The following VPS50 variants were observed in gnomAD, a reference collection of about 807,000 sequenced individuals.
The protein encoded by VPS50 is VPS50 subunit of EARP/GARPII complex.
VPS50 carries 70 observed loss-of-function variants against 139.7 expected under a neutral mutation model. The observed-to-expected ratio is 0.50, with a 90% CI of 0.41 to 0.61. VPS50 has a LOEUF of 0.61. Ranked by LOEUF, VPS50 falls within the 20% of genes least tolerant of loss-of-function variation. The pLI is 0.00. For missense variants in VPS50, 921 were observed against 1,133.7 expected (o/e 0.81, Z 2.69); for synonymous variants, 365 against 376.7 (o/e 0.97, Z 0.36).
At chr7:93,271,115 T>C in intron 9 of VPS50, 105 bp from the exon 10 acceptor site, 2 of 1,462,926 alleles carry the variant, frequency 1.4e-6, no homozygotes, top group Non-Finnish European at 1.8e-6. Context: ...CGATCTATAC[T>C]CTTAATCTTT....
rs991378664 is a variant in VPS50, at chr7:93,235,777, C to G, written c.33+3277C>G. Among the ~76,000 whole-genome samples, 4 of 152,178 alleles carry G rather than the reference C, an allele frequency of 2.6e-5. No homozygotes were observed. In the South Asian group the frequency reaches 8.3e-4, roughly 32 times the overall value. On this transcript the variant is annotated intron_variant, in intron 1 of 27. Coordinates refer to ENST00000305866, the MANE Select transcript of VPS50 (RefSeq NM_017667.4). ...ATTTGAAAGCCTCTTAAATATTCAA[C>G]TGGAGAGATACAGCAGGCAGTTGGC...
At chr7:93,261,025 G>C (rs574733221) in intron 9 of VPS50, among the ~76,000 whole-genome samples, 1 of 152,138 alleles carries the variant, frequency 6.6e-6, no homozygotes, top group Non-Finnish European at 1.5e-5. Flanking sequence ...GTGATTAACT[G>C]TCATTAGTAG....
In VPS50 at chr7:93,239,934, G is replaced by A. The variant is rs772036069; in HGVS notation, c.102G>A (p.Lys34=). The change falls in exon 2 of 28, where the codon AAG becomes AAA. Residue 34 remains lysine (K), a splice_region_variant and synonymous_variant. Transcript: ENST00000305866. The part of the protein sequence containing the change: ...GAIESLRVPG[K]EEFRELREQP... ...TAGAGAGTCTCCGGGTCCCTGGAAA[G>A]GTATTGAGCTACACGTGTGAGCGTG... is the stretch of plus-strand genomic sequence containing the variant. 1 of 1,582,300 alleles carries A rather than the reference G, an allele frequency of 6.3e-7. No individual in the cohort carries two copies. Among genetic ancestry groups the A allele is most frequent in the Non-Finnish European group, 8.7e-7 (1 of 1,151,796 alleles).
At chr7:93,328,160 A>G (rs1482766587) in intron 21 of VPS50, among the ~76,000 whole-genome samples, 1 of 152,134 alleles carries the variant, frequency 6.6e-6, no homozygotes, top group Non-Finnish European at 1.5e-5. Flanking sequence ...GTATTGCTTT[A>G]TCTTGCCTTG....
At chr7:93,282,986 T>C (rs1408416995) in intron 12 of VPS50, among the ~76,000 whole-genome samples, 1 of 152,204 alleles carries the variant, frequency 6.6e-6, no homozygotes, top group African/African-American at 2.4e-5. Context: ...AAATTAAAAC[T>C]TAATGACCAA....
At chr7:93,256,132 G>A (rs571892258) in intron 4 of VPS50, among the ~76,000 whole-genome samples, 4 of 152,146 alleles carry the variant, frequency 2.6e-5, no homozygotes, top group African/African-American at 7.2e-5. Flanking sequence ...AGATATTGTC[G>A]CCATAAATTC....
chr7:93,237,127 T>G (rs895230233), intron 1 of VPS50, among the ~76,000 whole-genome samples: 38 of 151,436 alleles, frequency 2.5e-4, no homozygotes, highest in African/African-American at 9.0e-4. Flanking sequence ...ATTTTTTTTT[T>G]TTGTATTTTT....
intron 26 of VPS50, among the ~76,000 whole-genome samples, chr7:93,355,151 A>G (rs1053120782): frequency 5.3e-5 from 8 of 151,924 alleles, no homozygotes; most frequent in Non-Finnish European, 1.0e-4. Context: ...GTCATTTTAA[A>G]TAAAATAAGC....
rs1336362971 is a variant in VPS50, at chr7:93,327,011, C to T, written c.1977+3279C>T. Among the ~76,000 whole-genome samples, 287 of 152,180 alleles carry T rather than the reference C, an allele frequency of 1.9e-3. 6 individuals carry two copies. Among genetic ancestry groups the T allele is most frequent in the Non-Finnish European group, 1.9e-4 (13 of 67,986 alleles). On this transcript the variant is annotated intron_variant, in intron 21 of 27. Coordinates refer to ENST00000305866, the MANE Select transcript of VPS50 (RefSeq NM_017667.4). The stretch of plus-strand genomic sequence containing the variant: ...CTATAAAGTATGTATTAATTCATCA[C>T]CCTGAATTTGGAAACTCACTAAATA...
intron 26 of VPS50, 27 bp from the exon 27 acceptor site, chr7:93,355,864 A>T (rs751148265): frequency 1.0e-5 from 14 of 1,379,120 alleles, no homozygotes; most frequent in Non-Finnish European, 1.3e-5. Context: ...CCTATAATGT[A>T]TTTTTTTTTA....
At chr7:93,307,216 A>G (rs1485187066) in intron 18 of VPS50, among the ~76,000 whole-genome samples, 1 of 151,890 alleles carries the variant, frequency 6.6e-6, no homozygotes, top group Admixed American at 6.6e-5. Context: ...TCAGCCCATC[A>G]GTACATAATC....
chr7:93,254,058 A>C, intron 4 of VPS50, 127 bp downstream of exon 4: 1 of 497,260 alleles, frequency 2.0e-6, no homozygotes, highest in Non-Finnish European at 3.6e-6. Context: ...GTTATTTAAC[A>C]TGACTGATTC....
At chr7:93,283,506 G>A (rs565924453) in intron 12 of VPS50, among the ~76,000 whole-genome samples, 9 of 152,244 alleles carry the variant, frequency 5.9e-5, no homozygotes, top group African/African-American at 2.2e-4. Flanking sequence ...AAAGTGCTGG[G>A]ATTATAGGTG....
intron 4 of VPS50, among the ~76,000 whole-genome samples, chr7:93,255,756 A>G (rs996771088): frequency 2.6e-5 from 4 of 152,220 alleles, no homozygotes; most frequent in Admixed American, 2.6e-4. Context: ...GGATTAATGC[A>G]GTAGTGTAGT....
rs550098108 is a variant in VPS50 at position 93,325,090 on chromosome 7, A to G, written c.1977+1358A>G. 4.6e-5 allele frequency among the ~76,000 whole-genome samples: 7 copies of G among 152,298 alleles called. No individual in the cohort carries two copies. In the East Asian group the frequency reaches 1.4e-3, roughly 29 times the overall value. On this transcript the variant is annotated intron_variant, in intron 21 of 27. Transcript: ENST00000305866. Reference sequence around the variant, plus strand: ...CCAAAACAGCATGGTACTGGTACCAAAACAGAGATATAGATCAATGGAACA... The same window carrying G: ...CCAAAACAGCATGGTACTGGTACCAGAACAGAGATATAGATCAATGGAACA...
At chr7:93,305,169 A>G (rs1289477225) in intron 17 of VPS50, among the ~76,000 whole-genome samples, 1 of 151,870 alleles carries the variant, frequency 6.6e-6, no homozygotes, top group Non-Finnish European at 1.5e-5. Flanking sequence ...TAGCTGTGTG[A>G]TGTTGAACTT....
At chr7:93,270,158 GA>G (rs1407835064) in intron 9 of VPS50, among the ~76,000 whole-genome samples, 1 of 151,324 alleles carries the variant, frequency 6.6e-6, no homozygotes, top group African/African-American at 2.4e-5. Context: ...ATTAAAGGGG[GA>G]AAAATCTAGA....
At position 93,239,698 on chromosome 7, in the gene VPS50, A is replaced by T. The variant is rs370626668; in HGVS notation, c.34-168A>T. Among the ~76,000 whole-genome samples, 82 of 152,310 alleles carry T rather than the reference A, an allele frequency of 5.4e-4. No homozygotes were observed. In the South Asian group the frequency reaches 6.0e-3, roughly 11 times the overall value. ...GTACACCCTTCTCTGATTTAATAAT[A>T]GTACTATATGTATTAAATGATGATT... On this transcript the variant is annotated intron_variant, in intron 1 of 27. Coordinates refer to ENST00000305866, the MANE Select transcript of VPS50 (RefSeq NM_017667.4).
At chr7:93,311,996 T>A (rs1797283340) in intron 20 of VPS50, among the ~76,000 whole-genome samples, 1 of 152,140 alleles carries the variant, frequency 6.6e-6, no homozygotes. Flanking sequence ...CTATATTCTA[T>A]CTATGGAGAT....
Sources: gnomAD v4.1 joint callset for allele counts (sites outside exome capture counted in the v4.1 genomes callset) on GRCh38, gnomAD v4.1.1 for gene constraint, MANE v1.5 for transcripts, NCBI Gene and HGNC (gene_info 2026-07-23, HGNC 2026-07-21) for gene names.